The following WNT4 variants were observed in gnomAD, a reference collection of about 807,000 sequenced individuals.
The protein encoded by WNT4 is Wnt family member 4, also known as protein Wnt-4.
A neutral mutation model predicts 34.5 loss-of-function variants in WNT4; 16 were observed. The ratio of observed to expected loss-of-function variants is 0.46; its 90% CI spans 0.31 to 0.70. The LOEUF is 0.70. WNT4 is among the 30% of genes least tolerant of loss of function. The pLI is 0.04. For missense variants in WNT4, 379 were observed against 495.9 expected, an observed-to-expected ratio of 0.76 and a Z score of 2.24; for synonymous variants, 200 against 211.9, an observed-to-expected ratio of 0.94 and a Z score of 0.49.
rs1371008222 is a variant in WNT4 at position 22,140,345 on chromosome 1, T to A, written c.77+2501A>T. Reference sequence around the variant, plus strand: ...GCAGTTACCTCTGCGATCCCCAATCTTCTCATCTGTAACGGGATTGAAACG... The same window carrying A: ...GCAGTTACCTCTGCGATCCCCAATCATCTCATCTGTAACGGGATTGAAACG... On this transcript the variant is annotated intron_variant, in intron 1 of 4. Transcript: ENST00000290167. This position sits in a 1 kb window ranked among gnomAD's most constrained non-coding sequence, Gnocchi z 5.9. 2 of 844,630 alleles carry A rather than the reference T, an allele frequency of 2.4e-6. No individual in the cohort carries two copies. The highest frequency in any genetic ancestry group is 2.9e-6 in the Non-Finnish European group (2 of 701,428). 52.3% of individuals were successfully genotyped at this position (844,630 alleles called of 1,614,324 possible). A position where few individuals can be genotyped will look rare whatever the true frequency, so the allele number is the denominator to read the frequency against.
At chr1:22,129,907 G>A (rs1261132406) in intron 1 of WNT4, 56 bp from the exon 2 acceptor site, 2 of 1,595,162 alleles carry the variant, frequency 1.3e-6, no homozygotes, top group Admixed American at 1.7e-5. Context: ...TCCTGGCCCC[G>A]GACCAGGCCT....
chr1:22,120,945 GTGTGAGAGACAGGGA>G (rs1188244905), intron 4 of WNT4, among the ~76,000 whole-genome samples: 3 of 152,132 alleles, frequency 2.0e-5, no homozygotes, highest in Non-Finnish European at 4.4e-5. Context: ...GAATGAGTGT[GTGTGAGAGACAGGGA>G]TGGACACATA....
intron 2 of WNT4, among the ~76,000 whole-genome samples, chr1:22,123,863 A>G (rs988564485): frequency 7.9e-5 from 12 of 152,212 alleles, no homozygotes; most frequent in Non-Finnish European, 1.2e-4. Context: ...GACAAGCCCA[A>G]TTCCCTCTGT....
At chr1:22,122,960 C>T (rs1052691304) in intron 2 of WNT4, among the ~76,000 whole-genome samples, 2 of 152,214 alleles carry the variant, frequency 1.3e-5, no homozygotes, top group African/African-American at 4.8e-5. Flanking sequence ...CATTTTGGGT[C>T]AGCACTGGGG....
rs1646058786 is a variant in WNT4, at chr1:22,140,585, C to T, written c.77+2261G>A. 6.6e-6 allele frequency among the ~76,000 whole-genome samples: 1 copy of T among 152,220 alleles called. No individual in the cohort carries two copies. Among genetic ancestry groups the T allele is most frequent in the Non-Finnish European group, 1.5e-5 (1 of 68,038 alleles). On this transcript the variant is annotated intron_variant, in intron 1 of 4. Transcript: ENST00000290167. The surrounding 1 kb of genome is among the most constrained non-coding windows in gnomAD (Gnocchi z 5.9). ...AGGCTTGTGGGAGGCCAGGCTGTGA[C>T]ATCCATTTCCCCCAGAGCTGCCATT...
At position 22,119,978 on chromosome 1, in the gene WNT4, GTGGGAGAC is replaced by G; in HGVS notation, c.*64_*71del. 6.5e-7 allele frequency: 1 copy of G among 1,545,402 alleles called. No homozygotes were observed. The highest frequency in any genetic ancestry group is 8.8e-7 in the Non-Finnish European group (1 of 1,137,848). Reference sequence around the variant, plus strand: ...CAACCAGTATCTCTTGGGGTAGGTGGTGGGAGACTGTTTAAATTATCGGCCTTCCCTGG... The same window carrying G: ...CAACCAGTATCTCTTGGGGTAGGTGGTGTTTAAATTATCGGCCTTCCCTGG... On this transcript the variant is annotated 3_prime_UTR_variant, in exon 5 of 5. Coordinates refer to ENST00000290167, the MANE Select transcript of WNT4 (RefSeq NM_030761.5).
chr1:22,122,327 A>G (rs1188620658), intron 2 of WNT4, among the ~76,000 whole-genome samples: 1 of 152,054 alleles, frequency 6.6e-6, no homozygotes, highest in Non-Finnish European at 1.5e-5. Context: ...CAGCCGGGGA[A>G]GGGATTTGGT....
In WNT4 at chr1:22,119,606, T is replaced by G; in HGVS notation, c.*444A>C. ...GTCCATGTGTATGTGTGCTGGAGAG[T>G]TAAGAGTTCTTTTTTCCAGAGGGTG... On this transcript the variant is annotated 3_prime_UTR_variant, in exon 5 of 5. Coordinates refer to ENST00000290167, the MANE Select transcript of WNT4 (RefSeq NM_030761.5). The G allele has an allele frequency of 4.5e-6, 1 of 221,770 alleles. No individual in the cohort carries two copies. 13.7% of individuals were successfully genotyped at this position (221,770 alleles called of 1,614,324 possible). A position where few individuals can be genotyped will look rare whatever the true frequency, so the allele number is the denominator to read the frequency against.
intron 1 of WNT4, among the ~76,000 whole-genome samples, chr1:22,132,375 CA>C (rs1186817706): frequency 6.6e-6 from 1 of 152,272 alleles, no homozygotes; most frequent in African/African-American, 2.4e-5. Context: ...GTTCTCTGGG[CA>C]GGGGGGGCAG....
In WNT4 at chr1:22,140,403, T is replaced by C. The variant is rs1050763388; in HGVS notation, c.77+2443A>G. ...GATTTAGATCATGCTGTGGGAGTCA[T>C]CATAATAATTATTATTGTCATGATC... On this transcript the variant is annotated intron_variant, in intron 1 of 4. Transcript: ENST00000290167. The surrounding 1 kb of genome is among the most constrained non-coding windows in gnomAD (Gnocchi z 5.9). 4 of 348,660 alleles carry C rather than the reference T, an allele frequency of 1.1e-5. No individual in the cohort carries two copies. The highest frequency in any genetic ancestry group is 1.6e-5 in the Non-Finnish European group (4 of 248,090). The allele number at this position is 348,660 out of a possible 1,614,324, so 21.6% of individuals were successfully genotyped here. A position where few individuals can be genotyped will look rare whatever the true frequency, so the allele number is the denominator to read the frequency against.
chr1:22,126,894 C>G, intron 2 of WNT4: 2 of 229,120 alleles, frequency 8.7e-6, no homozygotes, highest in South Asian at 1.1e-4. Context: ...GGAGTGCAGG[C>G]ACTTGTCCCA....
Position 22,137,622 on chromosome 1 carries a change from C to T in WNT4, c.77+5224G>A, listed in dbSNP as rs112861777. On this transcript the variant is annotated intron_variant, in intron 1 of 4. Transcript: ENST00000290167. The surrounding 1 kb of genome is among the most constrained non-coding windows in gnomAD (Gnocchi z 5.3). ...TTGGGGAGCACTGTCTTGTCAGATG[C>T]TTGCTGTGTTGCTCAATTGCTAATC... Among the ~76,000 whole-genome samples, 448 of 152,350 alleles carry T rather than the reference C, an allele frequency of 2.9e-3. 3 individuals carry two copies. The highest frequency in any genetic ancestry group is 0.011 in the African/African-American group (441 of 41,586).
intron 2 of WNT4, among the ~76,000 whole-genome samples, chr1:22,125,326 C>A (rs545209226): frequency 6.6e-6 from 1 of 152,232 alleles, no homozygotes; most frequent in South Asian, 2.1e-4. Context: ...TCGGGGGTAA[C>A]CCCTCCCCAG....
At chr1:22,131,985 C>T (rs752405368) in intron 1 of WNT4, among the ~76,000 whole-genome samples, 36 of 152,306 alleles carry the variant, frequency 2.4e-4, no homozygotes, top group East Asian at 5.8e-4. Flanking sequence ...GGGGCCCACC[C>T]GGCTTCTCAG....
At chr1:22,131,086 T>C (rs1332607770) in intron 1 of WNT4, among the ~76,000 whole-genome samples, 1 of 152,250 alleles carries the variant, frequency 6.6e-6, no homozygotes, top group Non-Finnish European at 1.5e-5. Flanking sequence ...GAACCTGGCA[T>C]TTGCCTGGCT....
Position 22,121,568 on chromosome 1 carries a change from C to A in WNT4, c.322G>T (p.Glu108Ter), listed in dbSNP as rs1306060367. ...GAGATGGCGTACACGAAGGCCGCCTCCCGAGTCCCTGTGGGAGGCAGAGGG... is the reference window on the plus strand; with the variant it reads ...GAGATGGCGTACACGAAGGCCGCCTACCGAGTCCCTGTGGGAGGCAGAGGG... ...FGKVVTQGTREAAFVYAISSA... is the reference protein window; with the variant it reads ...FGKVVTQGTR The change falls in exon 3 of 5, where the codon GAG (glutamate) becomes TAG (stop). Residue 108 changes from glutamate (E) to a stop codon, truncating the protein, a stop_gained. Coordinates refer to ENST00000290167, the MANE Select transcript of WNT4 (RefSeq NM_030761.5). LOFTEE classifies it high-confidence loss of function. 6.2e-7 allele frequency: 1 copy of A among 1,613,302 alleles called. No homozygotes were observed. Among genetic ancestry groups the A allele is most frequent in the South Asian group, 1.1e-5 (1 of 91,086 alleles).
At position 22,120,021 on chromosome 1, in the gene WNT4, T is replaced by A; in HGVS notation, c.*29A>T. ...TATCGGCCTTCCCTGGGCCACTAGGTGGTTGCCGGCGCAGGGCTAGGCAGG... is the reference window on the plus strand; with the variant it reads ...TATCGGCCTTCCCTGGGCCACTAGGAGGTTGCCGGCGCAGGGCTAGGCAGG... On this transcript the variant is annotated 3_prime_UTR_variant, in exon 5 of 5. Transcript: ENST00000290167. The A allele has an allele frequency of 6.2e-7, 1 of 1,600,746 alleles. No homozygotes were observed. Among genetic ancestry groups the A allele is most frequent in the Non-Finnish European group, 8.5e-7 (1 of 1,178,258 alleles).
intron 1 of WNT4, among the ~76,000 whole-genome samples, chr1:22,131,311 TG>T (rs1645981788): frequency 6.6e-6 from 1 of 152,264 alleles, no homozygotes; most frequent in Non-Finnish European, 1.5e-5. Flanking sequence ...TTCTTGAATC[TG>T]GCTGTGCATC....
rs1238489457 is a variant in WNT4 at position 22,129,860 on chromosome 1, A to G, written c.78-9T>C. 7 of 1,612,442 alleles carry G rather than the reference A, an allele frequency of 4.3e-6. No homozygotes were observed. Among genetic ancestry groups the G allele is most frequent in the Non-Finnish European group, 5.9e-6 (7 of 1,179,816 alleles). ...ACAGCTTGGCCAGGTACCTGGGGAG[A>G]GGGTGACACGTGATGCAGAGCCCAC... On this transcript the variant is annotated splice_polypyrimidine_tract_variant and intron_variant, in intron 1 of 4. Coordinates refer to ENST00000290167, the MANE Select transcript of WNT4 (RefSeq NM_030761.5).
Sources: allele counts gnomAD v4.1 joint callset (sites outside exome capture counted in the v4.1 genomes callset), GRCh38; gene constraint gnomAD v4.1.1; non-coding constraint Gnocchi (gnomAD v3.1); transcripts MANE v1.5; gene names NCBI Gene and HGNC (gene_info 2026-07-23, HGNC 2026-07-21).